CATSPERB: variants seen among roughly 807,000 people sequenced by gnomAD.
The protein encoded by CATSPERB is catsper channel auxiliary subunit beta.
A neutral mutation model predicts 128.3 loss-of-function variants in CATSPERB; 93 were observed. The ratio of observed to expected loss-of-function variants is 0.72; its 90% CI spans 0.61 to 0.86. CATSPERB has a LOEUF of 0.86. CATSPERB is among the 40% of genes least tolerant of loss of function. The pLI, the probability that CATSPERB is intolerant of heterozygous loss-of-function variation, is 0.00. For missense variants in CATSPERB, 1,153 were observed against 1,329.5 expected (o/e 0.87, Z 2.06); for synonymous variants, 381 against 448.8 (o/e 0.85, Z 1.91).
intron 4 of CATSPERB, among the ~76,000 whole-genome samples, chr14:91,722,635 T>G (rs112786055): frequency 3.9e-5 from 6 of 152,166 alleles, no homozygotes; most frequent in Non-Finnish European, 5.9e-5. Flanking sequence ...GTGCACACTT[T>G]AAATGAGTGA....
At chr14:91,624,517 T>C (rs1206810221) in intron 18 of CATSPERB, among the ~76,000 whole-genome samples, 3 of 152,058 alleles carry the variant, frequency 2.0e-5, no homozygotes, top group Non-Finnish European at 4.4e-5. Context: ...GGCACATGCC[T>C]GTAATCCCAG....
At chr14:91,607,835 T>TCCTCCATTGTCTC (rs1274858011) in intron 22 of CATSPERB, among the ~76,000 whole-genome samples, 2 of 152,240 alleles carry the variant, frequency 1.3e-5, no homozygotes, top group South Asian at 2.1e-4. Flanking sequence ...ACCTAATGGC[T>TCCTCCATTGTCTC]CCTCCCTTGT....
At position 91,723,112 on chromosome 14, in the gene CATSPERB, A is replaced by C. The variant is rs1243992906; in HGVS notation, c.246T>G (p.Leu82=). The part of the protein sequence containing the change: ...AMLSVFTSGG[L]APSLGIMNST... Reference sequence around the variant, plus strand: ...TATTCATGATTCCCAAGCTGGGAGCAAGTCCTCCTGATGTGAACACACTTA... The same window carrying C: ...TATTCATGATTCCCAAGCTGGGAGCCAGTCCTCCTGATGTGAACACACTTA... Residue 82 remains leucine (L), a synonymous_variant, in exon 4 of 27, where the codon CTT becomes CTG. Transcript: ENST00000256343. 1 of 1,557,556 alleles carries C rather than the reference A, an allele frequency of 6.4e-7. No individual in the cohort carries two copies. Among genetic ancestry groups the C allele is most frequent in the Admixed American group, 1.9e-5 (1 of 53,536 alleles).
chr14:91,687,972 T>G (rs1895403272), intron 10 of CATSPERB, among the ~76,000 whole-genome samples: 1 of 147,764 alleles, frequency 6.8e-6, no homozygotes, highest in African/African-American at 2.5e-5. Context: ...AAAAAAATCC[T>G]TATCTAGTAC....
intron 4 of CATSPERB, among the ~76,000 whole-genome samples, chr14:91,722,030 T>C (rs1230143855): frequency 6.6e-6 from 1 of 152,004 alleles, no homozygotes; most frequent in East Asian, 1.9e-4. Flanking sequence ...AGCAAGACCC[T>C]GTCTCTAAAC....
At chr14:91,706,929 C>T (rs560466416) in intron 6 of CATSPERB, among the ~76,000 whole-genome samples, 66 of 152,288 alleles carry the variant, frequency 4.3e-4, no homozygotes, top group African/African-American at 1.6e-3. Context: ...TCCAGACCTT[C>T]TCAAGGGGAC....
intron 22 of CATSPERB, among the ~76,000 whole-genome samples, chr14:91,605,851 A>G (rs543193970): frequency 2.0e-5 from 3 of 152,192 alleles, no homozygotes; most frequent in African/African-American, 7.2e-5. Flanking sequence ...TTTGTGTCTG[A>G]TCTACTACTG....
Position 91,639,078 on chromosome 14 carries a change from A to C in CATSPERB, c.1587+18T>G, listed in dbSNP as rs527382958. On this transcript the variant is annotated intron_variant, in intron 16 of 26. Coordinates refer to ENST00000256343, the MANE Select transcript of CATSPERB (RefSeq NM_024764.4). ...TTCTTAAAATAAGGCAAACTGTTTC[A>C]ATGCATTATATACTGACCTGTCCAA... 4.4e-6 allele frequency: 7 copies of C among 1,600,416 alleles called. No individual in the cohort carries two copies. The highest frequency in any genetic ancestry group is 6.0e-6 in the Non-Finnish European group (7 of 1,173,746).
chr14:91,711,356 A>T (rs984447442), intron 5 of CATSPERB, among the ~76,000 whole-genome samples: 1 of 152,058 alleles, frequency 6.6e-6, no homozygotes, highest in Admixed American at 6.5e-5. Flanking sequence ...TCAGCCTCCC[A>T]AGTAGCTGGG....
At chr14:91,714,282 AAAAAAAAAAAG>A (rs1895896901) in intron 5 of CATSPERB, among the ~76,000 whole-genome samples, 2 of 126,750 alleles carry the variant, frequency 1.6e-5, no homozygotes, top group Admixed American at 8.1e-5. Flanking sequence ...TAAGGCAAAA[AAAAAAAAAAAG>A]AAAAAAAGAA....
At chr14:91,701,297 C>A (rs1354782194) in intron 7 of CATSPERB, among the ~76,000 whole-genome samples, 1 of 152,026 alleles carries the variant, frequency 6.6e-6, no homozygotes, top group African/African-American at 2.4e-5. Context: ...AAGCAGTAAT[C>A]CTAAGGAGCA....
Position 91,589,615 on chromosome 14 carries a change from T to G in CATSPERB, c.2875A>C (p.Asn959His). Reference sequence around the variant, plus strand: ...TGCAATGGGACACGTCCATCCTCGTTGATAATTTCCAAAGAAACTGGATAT... The same window carrying G: ...TGCAATGGGACACGTCCATCCTCGTGGATAATTTCCAAAGAAACTGGATAT... Reference protein sequence around the residue: ...TQYPVSLEIINEDGRVPLQSP... With the variant: ...TQYPVSLEIIHEDGRVPLQSP... Residue 959 changes from asparagine (N) to histidine (H), a missense_variant, in exon 24 of 27, where the codon AAC becomes CAC. Coordinates refer to ENST00000256343, the MANE Select transcript of CATSPERB (RefSeq NM_024764.4). The G allele has an allele frequency of 6.2e-7, 1 of 1,613,908 alleles. No individual in the cohort carries two copies. The highest frequency in any genetic ancestry group is 8.5e-7 in the Non-Finnish European group (1 of 1,179,796).
At position 91,606,130 on chromosome 14, in the gene CATSPERB, C is replaced by T. The variant is rs571550329; in HGVS notation, c.2709+2164G>A. ...TGTGGAGGTTGCAGTGAGCCAAGAT[C>T]GCGCCACTGTACTCCAGCCTGGGCG... On this transcript the variant is annotated intron_variant, in intron 22 of 26. Transcript: ENST00000256343. Among the ~76,000 whole-genome samples the T allele has an allele frequency of 7.9e-5, 12 of 152,014 alleles. No individual in the cohort carries two copies. The South Asian group carries it at 1.0e-3, about 13-fold the overall frequency.
chr14:91,715,875 G>T (rs920054284), intron 5 of CATSPERB, among the ~76,000 whole-genome samples: 6 of 151,916 alleles, frequency 3.9e-5, no homozygotes, highest in Non-Finnish European at 7.4e-5. Context: ...GGAATAACTG[G>T]GTATCCATAT....
At chr14:91,683,789 A>T in intron 11 of CATSPERB, 88 bp downstream of exon 11, 13 of 842,316 alleles carry the variant, frequency 1.5e-5, no homozygotes, top group East Asian at 2.7e-5. Context: ...GAATGGTCTT[A>T]AAAGACCATT....
intron 11 of CATSPERB, among the ~76,000 whole-genome samples, chr14:91,676,816 C>T (rs377027295): frequency 1.7e-4 from 26 of 152,268 alleles, no homozygotes; most frequent in South Asian, 1.2e-3. Context: ...TACCTGACTT[C>T]GAACTATACT....
intron 11 of CATSPERB, among the ~76,000 whole-genome samples, chr14:91,676,794 G>C (rs139316028): frequency 2.9e-4 from 44 of 152,274 alleles, no homozygotes; most frequent in Admixed American, 1.0e-3. Context: ...AACAAAGCTG[G>C]AAGCATCATG....
At chr14:91,699,670 T>A (rs1274571100) in intron 7 of CATSPERB, among the ~76,000 whole-genome samples, 1 of 150,872 alleles carries the variant, frequency 6.6e-6, no homozygotes, top group Non-Finnish European at 1.5e-5. Flanking sequence ...GCCTCCCGGG[T>A]TCAAGAGATT....
At chr14:91,623,590 G>C (rs1894096268) in intron 18 of CATSPERB, among the ~76,000 whole-genome samples, 1 of 152,166 alleles carries the variant, frequency 6.6e-6, no homozygotes, top group African/African-American at 2.4e-5. Context: ...TCTCCACTTG[G>C]ATGAGTAACA....
Sources: allele counts gnomAD v4.1 joint callset (sites outside exome capture counted in the v4.1 genomes callset), GRCh38; gene constraint gnomAD v4.1.1; transcripts MANE v1.5; gene names NCBI Gene and HGNC (gene_info 2026-07-23, HGNC 2026-07-21).